Variants in SUPT3H observed in about 807,000 individuals in gnomAD.
SUPT3H encodes the protein SPT3 homolog, SAGA and STAGA complex component.
Under a neutral mutation model 44.3 loss-of-function variants are expected in SUPT3H, and 44 were observed. The observed-to-expected ratio is 0.99, with a 90% CI of 0.78 to 1.28. The LOEUF (loss-of-function observed/expected upper bound fraction) is 1.28. SUPT3H is among the 50% of genes most tolerant of loss of function. The pLI is 0.00. For synonymous variants in SUPT3H, 124 were observed against 125.6 expected, an observed-to-expected ratio of 0.99 and a Z score of 0.09; for missense variants, 380 against 387.1, an observed-to-expected ratio of 0.98 and a Z score of 0.15.
At chr6:44,892,497 G>A (rs919986021) in intron 10 of SUPT3H, among the ~76,000 whole-genome samples, 2 of 152,160 alleles carry the variant, frequency 1.3e-5, no homozygotes, top group Admixed American at 6.5e-5. Flanking sequence ...AAGCCATAAA[G>A]TCTGTGGTAT....
At position 45,309,149 on chromosome 6, in the gene SUPT3H, T is replaced by G. The variant is rs1210030196; in HGVS notation, c.101+56052A>C. On this transcript the variant is annotated intron_variant, in intron 2 of 10. Transcript: ENST00000371459. ...TGTTTATGCCTTTTAAAAATAGATG[T>G]CTAAATATTTAGGAAAAAAAAAAAA... Among the ~76,000 whole-genome samples, 3 of 145,314 alleles carry G rather than the reference T, an allele frequency of 2.1e-5. No homozygotes were observed. The East Asian group carries it at 5.8e-4, about 28-fold the overall frequency.
At chr6:45,047,499 C>T (rs928770251) in intron 3 of SUPT3H, among the ~76,000 whole-genome samples, 8 of 151,996 alleles carry the variant, frequency 5.3e-5, no homozygotes, top group African/African-American at 1.9e-4. Flanking sequence ...GATGGGGAAA[C>T]AGGAATTAAA....
chr6:45,042,557 G>T (rs952060085), intron 3 of SUPT3H, among the ~76,000 whole-genome samples: 3 of 151,954 alleles, frequency 2.0e-5, no homozygotes, highest in Non-Finnish European at 2.9e-5. Context: ...ATTAGTTGTT[G>T]TTTTTTTTAA....
At chr6:44,872,486 C>T (rs1467181453) in intron 10 of SUPT3H, among the ~76,000 whole-genome samples, 1 of 150,840 alleles carries the variant, frequency 6.6e-6, no homozygotes, top group Non-Finnish European at 1.5e-5. Flanking sequence ...CCTAAAAGAG[C>T]TCCTGAAGGA....
intron 11 of SUPT3H, among the ~76,000 whole-genome samples, chr6:44,820,578 T>C (rs1371161700): frequency 1.3e-5 from 2 of 152,216 alleles, no homozygotes; most frequent in Non-Finnish European, 2.9e-5. Flanking sequence ...AGTCATTCAT[T>C]CATATAATAC....
At chr6:45,067,848 C>G (rs1251050484) in intron 3 of SUPT3H, among the ~76,000 whole-genome samples, 1 of 146,090 alleles carries the variant, frequency 6.8e-6, no homozygotes, top group African/African-American at 2.6e-5. Flanking sequence ...AATAGGAACA[C>G]TTTTACACTG....
chr6:44,961,789 A>G lies in SUPT3H; in HGVS notation c.544T>C (p.Tyr182His). 6.2e-7 allele frequency: 1 copy of G among 1,605,688 alleles called. No individual in the cohort carries two copies. The highest frequency in any genetic ancestry group is 2.2e-5 in the East Asian group (1 of 44,490). ...RQTRIMDSAQ[Y>H]AEFCESRQLS... ...TGTCGACTTTCACAGAATTCTGCAT[A>G]TTGAGCTGAATCCATAATTCGAGTT... Residue 182 changes from tyrosine to histidine, a missense_variant, in exon 7 of 11, where the codon TAT becomes CAT. Physicochemically the swap from Tyr to His is moderately conservative, Grantham distance 83 (BLOSUM62 2). Coordinates refer to ENST00000371459, the MANE Select transcript of SUPT3H (RefSeq NM_003599.4).
At chr6:45,377,318 A>T (rs1796934903) in intron 1 of SUPT3H, 1 of 152,240 alleles carries the variant, frequency 6.6e-6, no homozygotes, top group Non-Finnish European at 1.5e-5. Context: ...CACCCCACAG[A>T]GAACACAGCG....
intron 10 of SUPT3H, among the ~76,000 whole-genome samples, chr6:44,919,899 G>A (rs1768393949): frequency 6.6e-6 from 1 of 151,596 alleles, no homozygotes; most frequent in African/African-American, 2.4e-5. Context: ...TATTTTTTGA[G>A]ACCCAGTCTT....
At chr6:44,841,953 T>C (rs1771007876) in intron 10 of SUPT3H, among the ~76,000 whole-genome samples, 3 of 152,214 alleles carry the variant, frequency 2.0e-5, no homozygotes, top group Non-Finnish European at 4.4e-5. Context: ...TGTGTGTGTG[T>C]ATATACACAC....
At chr6:44,994,082 T>C (rs978158022) in intron 6 of SUPT3H, among the ~76,000 whole-genome samples, 5 of 151,984 alleles carry the variant, frequency 3.3e-5, no homozygotes, top group African/African-American at 4.8e-5. Context: ...AAAACAAATA[T>C]AGTAATAATT....
intron 10 of SUPT3H, among the ~76,000 whole-genome samples, chr6:44,916,774 A>C (rs1037713890): frequency 2.0e-5 from 3 of 152,156 alleles, no homozygotes; most frequent in Non-Finnish European, 2.9e-5. Flanking sequence ...CATTTCTTTA[A>C]GCATGTTCTA....
chr6:44,874,838 G>A (rs1326484570), intron 10 of SUPT3H, among the ~76,000 whole-genome samples: 4 of 144,296 alleles, frequency 2.8e-5, no homozygotes, highest in Non-Finnish European at 6.0e-5. Flanking sequence ...AAAATCACAA[G>A]CATTCTTATA....
At chr6:44,992,047 C>T (rs1200557264) in intron 6 of SUPT3H, among the ~76,000 whole-genome samples, 1 of 152,124 alleles carries the variant, frequency 6.6e-6, no homozygotes, top group East Asian at 1.9e-4. Context: ...TTGGTTATTA[C>T]AACAACCACA....
chr6:44,895,327 C>G (rs1347749853), intron 10 of SUPT3H, among the ~76,000 whole-genome samples: 2 of 147,358 alleles, frequency 1.4e-5, no homozygotes, highest in African/African-American at 5.0e-5. Flanking sequence ...CTTCTAGGCT[C>G]AAGGGATCTT....
chr6:45,351,574 TTC>T (rs908159362), intron 2 of SUPT3H, among the ~76,000 whole-genome samples: 15 of 152,138 alleles, frequency 9.9e-5, no homozygotes, highest in African/African-American at 2.7e-4. Flanking sequence ...TACTTGTATT[TTC>T]TGTTACATTT....
chr6:44,841,822 A>G (rs952117105), intron 10 of SUPT3H, among the ~76,000 whole-genome samples: 2 of 152,322 alleles, frequency 1.3e-5, no homozygotes, highest in Non-Finnish European at 1.5e-5. Context: ...TCACTCATTT[A>G]CAAGTATTTA....
chr6:45,010,304 T>C (rs1354698965), intron 5 of SUPT3H, among the ~76,000 whole-genome samples: 2 of 152,128 alleles, frequency 1.3e-5, no homozygotes, highest in East Asian at 3.9e-4. Context: ...ACTTCTTTTT[T>C]TCTAATCTGG....
At chr6:45,320,408 C>T (rs1785302611) in intron 2 of SUPT3H, among the ~76,000 whole-genome samples, 1 of 151,608 alleles carries the variant, frequency 6.6e-6, no homozygotes, top group Admixed American at 6.6e-5. Context: ...GGACCACAAG[C>T]GTACGTCACC....
Sources: gnomAD v4.1 joint callset for allele counts (sites outside exome capture counted in the v4.1 genomes callset) on GRCh38, gnomAD v4.1.1 for gene constraint, MANE v1.5 for transcripts, NCBI Gene and HGNC (gene_info 2026-07-23, HGNC 2026-07-21) for gene names.